Variants in GRIP1 observed in about 807,000 individuals in gnomAD.
GRIP1 encodes the protein glutamate receptor-interacting protein 1.
In GRIP1, 45 loss-of-function variants were observed where a neutral mutation model predicts 129.9. The observed-to-expected ratio is 0.35, with a 90% CI of 0.27 to 0.44. The LOEUF (loss-of-function observed/expected upper bound fraction) is 0.44. Ranked by LOEUF, GRIP1 falls within the 20% of genes least tolerant of loss-of-function variation. The pLI is 1.00. For missense variants in GRIP1, 1,196 were observed against 1,396.8 expected, an observed-to-expected ratio of 0.86 and a Z score of 2.29; for synonymous variants, 530 against 520.8, an observed-to-expected ratio of 1.02 and a Z score of -0.24.
intron 7 of GRIP1, among the ~76,000 whole-genome samples, chr12:66,504,021 G>C (rs1243996601): frequency 6.6e-6 from 1 of 152,084 alleles, no homozygotes; most frequent in Non-Finnish European, 1.5e-5. Flanking sequence ...AGTGCCTGAG[G>C]GACAGGCATG....
At chr12:66,475,758 T>C (rs530995677) in intron 7 of GRIP1, among the ~76,000 whole-genome samples, 117 of 152,200 alleles carry the variant, frequency 7.7e-4, no homozygotes, top group Non-Finnish European at 8.1e-4. Flanking sequence ...AAGGCAAAAA[T>C]AAAGATGTTC....
intron 1 of GRIP1, among the ~76,000 whole-genome samples, chr12:66,861,053 G>C (rs2040103524): frequency 6.6e-6 from 1 of 151,904 alleles, no homozygotes; most frequent in South Asian, 2.1e-4. Flanking sequence ...TACCTTATTA[G>C]GACAAGCTAT....
At chr12:66,369,819 C>G (rs1412540069) in intron 23 of GRIP1, among the ~76,000 whole-genome samples, 1 of 152,158 alleles carries the variant, frequency 6.6e-6, no homozygotes, top group Non-Finnish European at 1.5e-5. Flanking sequence ...AATTTAATCA[C>G]CATTGGACTT....
chr12:66,522,757 T>A (rs1267393088), intron 5 of GRIP1, among the ~76,000 whole-genome samples: 5 of 151,832 alleles, frequency 3.3e-5, no homozygotes, highest in Non-Finnish European at 5.9e-5. Context: ...TTCAAACCAA[T>A]GGCAAAGAAG....
chr12:66,638,167 A>C (rs56134325), intron 1 of GRIP1, among the ~76,000 whole-genome samples: 23,808 of 152,234 alleles, frequency 0.16, 2,043 homozygotes, highest in Non-Finnish European at 0.18. Context: ...GCTTGGGGTG[A>C]GAGCGATGGC....
intron 1 of GRIP1, among the ~76,000 whole-genome samples, chr12:66,598,564 T>C (rs2064148000): frequency 6.6e-6 from 1 of 152,210 alleles, no homozygotes; most frequent in Non-Finnish European, 1.5e-5. Context: ...AAGTCTCCCT[T>C]TGCCTCACCA....
At chr12:67,047,214 A>T (rs1354579851) in intron 1 of GRIP1, among the ~76,000 whole-genome samples, 1 of 152,154 alleles carries the variant, frequency 6.6e-6, no homozygotes, top group African/African-American at 2.4e-5. Flanking sequence ...TATAAGTTCC[A>T]ATTTTCCTAT....
intron 1 of GRIP1, among the ~76,000 whole-genome samples, chr12:66,723,319 T>TCC: frequency 1.0e-5 from 1 of 99,550 alleles, no homozygotes; most frequent in African/African-American, 4.6e-5. Flanking sequence ...TTTTTTTTTT[T>TCC]TTTTTTTTTT....
intron 15 of GRIP1, 34 bp from the exon 16 acceptor site, chr12:66,406,462 G>T: frequency 6.2e-7 from 1 of 1,607,270 alleles, no homozygotes; most frequent in Non-Finnish European, 8.5e-7. Flanking sequence ...CATGACTAAT[G>T]ATGAGCACTT....
chr12:66,896,470 T>C (rs2040749074), intron 1 of GRIP1, among the ~76,000 whole-genome samples: 1 of 70,626 alleles, frequency 1.4e-5, no homozygotes, highest in African/African-American at 4.1e-5. Context: ...ATATTACCTC[T>C]GAGGAATTTG....
intron 1 of GRIP1, among the ~76,000 whole-genome samples, chr12:66,838,560 A>G (rs1381469747): frequency 1.3e-5 from 2 of 152,196 alleles, no homozygotes; most frequent in East Asian, 1.9e-4. Flanking sequence ...GAACAAATCA[A>G]CTTAGACATA....
At chr12:66,965,445 A>G (rs929414991) in intron 1 of GRIP1, among the ~76,000 whole-genome samples, 8 of 151,966 alleles carry the variant, frequency 5.3e-5, no homozygotes, top group African/African-American at 1.2e-4. Context: ...AATATGGTAG[A>G]TCTTCAGTCT....
chr12:67,063,625 TACTA>T (rs1030893649), intron 1 of GRIP1, among the ~76,000 whole-genome samples: 18 of 152,326 alleles, frequency 1.2e-4, no homozygotes, highest in African/African-American at 2.6e-4. Flanking sequence ...TATTTTGTAT[TACTA>T]ACTACTATTA....
At chr12:67,055,552 A>G (rs1213065530) in intron 1 of GRIP1, among the ~76,000 whole-genome samples, 2 of 152,232 alleles carry the variant, frequency 1.3e-5, no homozygotes, top group Admixed American at 6.5e-5. Context: ...GGACTGCTTT[A>G]CATTGTTAAA....
chr12:66,567,431 T>A (rs2062807889), intron 2 of GRIP1: 1 of 152,150 alleles, frequency 6.6e-6, no homozygotes, highest in Admixed American at 6.5e-5. Flanking sequence ...AAAGCACTCC[T>A]CAGCAAATGT....
intron 23 of GRIP1, among the ~76,000 whole-genome samples, chr12:66,367,645 A>G (rs1242394129): frequency 6.6e-6 from 1 of 152,224 alleles, no homozygotes; most frequent in East Asian, 1.9e-4. Context: ...AAAGAAACAG[A>G]AGAAAAATCA....
In GRIP1 at chr12:66,838,035, A is replaced by T. The variant is rs559129674; in HGVS notation, c.58+231015T>A. 2.6e-5 allele frequency among the ~76,000 whole-genome samples: 4 copies of T among 152,178 alleles called. No individual in the cohort carries two copies. The South Asian group carries it at 8.3e-4, about 32-fold the overall frequency. ...ATGGTGAAACCCTGTGCCTACTAAA[A>T]ATTAGCTGGGTGTGGTGGTGCATGC... On this transcript the variant is annotated intron_variant, in intron 1 of 1. Transcript: ENST00000643019.
chr12:66,758,250 C>A (rs1480733515), intron 1 of GRIP1, among the ~76,000 whole-genome samples: 1 of 152,150 alleles, frequency 6.6e-6, no homozygotes, highest in African/African-American at 2.4e-5. Flanking sequence ...GCATTTCTTA[C>A]ATGGCAGCAG....
At chr12:67,034,679 C>T (rs538039522) in intron 1 of GRIP1, among the ~76,000 whole-genome samples, 84 of 152,282 alleles carry the variant, frequency 5.5e-4, no homozygotes, top group Non-Finnish European at 1.2e-3. Flanking sequence ...ACATTTTTAA[C>T]ACAACTGGCA....
Sources: gnomAD v4.1 joint callset for allele counts (sites outside exome capture counted in the v4.1 genomes callset) on GRCh38, gnomAD v4.1.1 for gene constraint, MANE v1.5 for transcripts, NCBI Gene and HGNC (gene_info 2026-07-23, HGNC 2026-07-21) for gene names.